YTHDC2: variants seen among roughly 807,000 people sequenced by gnomAD.
YTHDC2 encodes 3'-5' RNA helicase YTHDC2.
Under a neutral mutation model 174.9 loss-of-function variants are expected in YTHDC2, and 45 were observed. That is an observed-to-expected ratio of 0.26 (90% CI 0.20 to 0.33). The LOEUF is 0.33. YTHDC2 is among the 10% of genes least tolerant of loss of function. The pLI is 1.00. For missense variants in YTHDC2, 1,650 were observed against 1,723.7 expected, an observed-to-expected ratio of 0.96 and a Z score of 0.76; for synonymous variants, 657 against 574.5, an observed-to-expected ratio of 1.14 and a Z score of -2.05.
At position 113,535,694 on chromosome 5, in the gene YTHDC2, G is replaced by C. The variant is rs780270118; in HGVS notation, c.998G>C (p.Arg333Thr). The change falls in exon 7 of 30, where the codon AGA (arginine) becomes ACA (threonine). Residue 333 changes from arginine (R) to threonine (T), a missense_variant. By Grantham distance (71) the Arg-to-Thr change is moderately conservative (BLOSUM62 -1). Transcript: ENST00000161863. ...RFSDFLLTKLRDLLQKHPTLK... is the reference protein window; with the variant it reads ...RFSDFLLTKLTDLLQKHPTLK... Reference sequence around the variant, plus strand: ...AGTGATTTTTTACTTACAAAGTTAAGAGATTTGTTGCAAAAGCACCCAACT... The same window carrying C: ...AGTGATTTTTTACTTACAAAGTTAACAGATTTGTTGCAAAAGCACCCAACT... 1 of 1,613,778 alleles carries C rather than the reference G, an allele frequency of 6.2e-7. No individual in the cohort carries two copies. Among genetic ancestry groups the C allele is most frequent in the Non-Finnish European group, 8.5e-7 (1 of 1,179,872 alleles).
Position 113,526,773 on chromosome 5 carries a change from A to C in YTHDC2, c.663A>C (p.Gly221=). The C allele has an allele frequency of 6.8e-7, 1 of 1,471,812 alleles. No individual in the cohort carries two copies. The highest frequency in any genetic ancestry group is 1.5e-5 in the South Asian group (1 of 65,046). The allele number at this position is 1,471,812 out of a possible 1,614,324, so 91.2% of individuals were successfully genotyped here. ...TGATTGTAGGAGAAACTGGGTCTGG[A>C]AAGACCACACAGGTTTGTTTCTTTT... ...VVLIVGETGS[G]KTTQIPQFLL... is the part of the protein sequence containing the mutation. The change falls in exon 4 of 30, where the codon GGA becomes GGC. Residue 221 remains glycine (G), a synonymous_variant. Coordinates refer to ENST00000161863, the MANE Select transcript of YTHDC2 (RefSeq NM_022828.5).
rs188661638 is a variant in YTHDC2 at position 113,576,424 on chromosome 5, G to A, written c.3245-3162G>A. 3.1e-3 allele frequency among the ~76,000 whole-genome samples: 467 copies of A among 152,236 alleles called. 2 individuals are homozygous for A. Among genetic ancestry groups the A allele is most frequent in the Non-Finnish European group, 4.8e-3 (329 of 67,998 alleles). ...CATTGCTACATTGACATCTTCATCA[G>A]TGTGTCCTTTTGCTTTAATTCATTT... On this transcript the variant is annotated intron_variant, in intron 23 of 29. Transcript: ENST00000161863.
intron 17 of YTHDC2, among the ~76,000 whole-genome samples, chr5:113,557,233 G>A (rs1290904104): frequency 6.6e-6 from 1 of 151,984 alleles, no homozygotes; most frequent in Admixed American, 6.6e-5. Context: ...AAGTGTTTGG[G>A]TTACTTTTTA....
rs1436057159 is a variant in YTHDC2, at chr5:113,576,645, C to T, written c.3245-2941C>T. On this transcript the variant is annotated intron_variant, in intron 23 of 29. Transcript: ENST00000161863. Reference sequence around the variant, plus strand: ...ATTCCTTCATTTGCTCTTTTTATTTCTGTCAAAAAGAAATAACTCTCCATG... The same window carrying T: ...ATTCCTTCATTTGCTCTTTTTATTTTTGTCAAAAAGAAATAACTCTCCATG... 2.6e-5 allele frequency among the ~76,000 whole-genome samples: 4 copies of T among 151,996 alleles called. No homozygotes were observed. The South Asian group carries it at 6.2e-4, about 24-fold the overall frequency.
rs558778066 is a variant in YTHDC2, at chr5:113,556,121, C to G, written c.2203C>G (p.Gln735Glu). Residue 735 changes from glutamine (Q) to glutamate (E), a missense_variant, in exon 17 of 30, where the codon CAG becomes GAG. By Grantham distance (29) the Gln-to-Glu change is conservative. This residue lies in a region of YTHDC2 where 913 missense variants were observed against 940.4 expected (regional missense o/e 0.97). Coordinates refer to ENST00000161863, the MANE Select transcript of YTHDC2 (RefSeq NM_022828.5). ...ATGGATTTCCAAAGCTAGTGCCATACAGCGGAAAGGCAGGTAATGTATATT... is the reference window on the plus strand; with the variant it reads ...ATGGATTTCCAAAGCTAGTGCCATAGAGCGGAAAGGCAGGTAATGTATATT... ...MVWISKASAIQRKGRAGRCRP... is the reference protein window; with the variant it reads ...MVWISKASAIERKGRAGRCRP... The G allele has an allele frequency of 6.2e-7, 1 of 1,605,686 alleles. No individual in the cohort carries two copies. The highest frequency in any genetic ancestry group is 1.3e-5 in the African/African-American group (1 of 74,812).
At chr5:113,560,224 A>G (rs149676756) in intron 17 of YTHDC2, among the ~76,000 whole-genome samples, 63 of 152,164 alleles carry the variant, frequency 4.1e-4, no homozygotes, top group African/African-American at 1.4e-3. Flanking sequence ...AAGGACTCCC[A>G]TTTTTCTTAG....
At position 113,594,882 on chromosome 5, in the gene YTHDC2, A is replaced by G. The variant is rs1434935041; in HGVS notation, c.*1408A>G. On this transcript the variant is annotated 3_prime_UTR_variant, in exon 30 of 30. Coordinates refer to ENST00000161863, the MANE Select transcript of YTHDC2 (RefSeq NM_022828.5). ...TCTACTTTCTCTGGGAAAGCATTATATAGTGGTGCATTAGTTTAGAAAGTC... is the reference window on the plus strand; with the variant it reads ...TCTACTTTCTCTGGGAAAGCATTATGTAGTGGTGCATTAGTTTAGAAAGTC... 6.6e-6 allele frequency: 1 copy of G among 152,184 alleles called. No individual in the cohort carries two copies. Among genetic ancestry groups the G allele is most frequent in the Non-Finnish European group, 1.5e-5 (1 of 68,022 alleles). The allele number at this position is 152,184 out of a possible 1,614,324, so 9.4% of individuals were successfully genotyped here. A position where few individuals can be genotyped will look rare whatever the true frequency, so the allele number is the denominator to read the frequency against.
In YTHDC2 at chr5:113,579,671, GC is replaced by G; in HGVS notation, c.3331del (p.Leu1111SerfsTer28). 6.2e-7 allele frequency: 1 copy of G among 1,608,004 alleles called. No individual in the cohort carries two copies. Among genetic ancestry groups the G allele is most frequent in the Non-Finnish European group, 8.5e-7 (1 of 1,176,846 alleles). On this transcript the variant is annotated frameshift_variant, in exon 24 of 30. Coordinates refer to ENST00000161863, the MANE Select transcript of YTHDC2 (RefSeq NM_022828.5). LOFTEE classifies it high-confidence loss of function. ...TGGCAGCCTTGAAACTTGATGAGTG[GC>G]TCCATTTCACACTGGAGCCAGAGGT... ...NLAALKLDEW[L>X]HFTLEPEAAS... is the part of the protein sequence containing the mutation.
At chr5:113,529,645 A>G (rs1396356518) in intron 4 of YTHDC2, among the ~76,000 whole-genome samples, 2 of 152,124 alleles carry the variant, frequency 1.3e-5, no homozygotes, top group Admixed American at 6.5e-5. Context: ...TTTGCCTCTT[A>G]TCTGTTTATC....
intron 4 of YTHDC2, among the ~76,000 whole-genome samples, chr5:113,532,557 A>T (rs553720593): frequency 9.8e-5 from 15 of 152,296 alleles, no homozygotes; most frequent in African/African-American, 3.6e-4. Flanking sequence ...GATTATCCCC[A>T]TCCATGAATA....
At chr5:113,530,200 C>T (rs904202544) in intron 4 of YTHDC2, among the ~76,000 whole-genome samples, 1 of 151,894 alleles carries the variant, frequency 6.6e-6, no homozygotes, top group African/African-American at 2.4e-5. Context: ...TTTACTTTTT[C>T]TTCATGTTAT....
intron 17 of YTHDC2, among the ~76,000 whole-genome samples, chr5:113,557,447 A>T (rs1443507207): frequency 6.6e-6 from 1 of 152,166 alleles, no homozygotes; most frequent in Non-Finnish European, 1.5e-5. Flanking sequence ...TTTTCTTATG[A>T]CCAATAGTGG....
At chr5:113,575,977 G>T (rs548621153) in intron 23 of YTHDC2, among the ~76,000 whole-genome samples, 3 of 152,162 alleles carry the variant, frequency 2.0e-5, no homozygotes, top group African/African-American at 7.2e-5. Flanking sequence ...TCAATTCTCA[G>T]ATTTTGGTTA....
intron 26 of YTHDC2, among the ~76,000 whole-genome samples, chr5:113,587,568 G>T (rs1778762674): frequency 7.1e-6 from 1 of 140,242 alleles, no homozygotes; most frequent in Non-Finnish European, 1.5e-5. Context: ...ATAATATATA[G>T]TATATTTATA....
At chr5:113,532,001 T>G (rs1385252245) in intron 4 of YTHDC2, among the ~76,000 whole-genome samples, 1 of 152,216 alleles carries the variant, frequency 6.6e-6, no homozygotes, top group African/African-American at 2.4e-5. Context: ...TATATCTTTC[T>G]AAAACTCTGG....
chr5:113,537,798 A>G (rs942166034), intron 7 of YTHDC2, among the ~76,000 whole-genome samples: 1 of 152,072 alleles, frequency 6.6e-6, no homozygotes, highest in Non-Finnish European at 1.5e-5. Flanking sequence ...CTCTTTTGCA[A>G]AACCCTTTTC....
intron 15 of YTHDC2, 37 bp from the exon 16 acceptor site, chr5:113,553,905 G>A (rs1776434716): frequency 1.3e-6 from 2 of 1,582,296 alleles, no homozygotes; most frequent in South Asian, 2.4e-5. Flanking sequence ...TATTTTTTCT[G>A]TTTTTTTATT....
At chr5:113,544,708 G>T (rs750898255) in intron 10 of YTHDC2, among the ~76,000 whole-genome samples, 13 of 148,130 alleles carry the variant, frequency 8.8e-5, no homozygotes, top group Admixed American at 1.3e-4. Flanking sequence ...TTTTTTTTTG[G>T]GCTGACTGTA....
Position 113,567,181 on chromosome 5 carries a change from G to C in YTHDC2, c.2932G>C (p.Gly978Arg), listed in dbSNP as rs377507627. The C allele has an allele frequency of 1.9e-6, 3 of 1,613,862 alleles. No homozygotes were observed. The highest frequency in any genetic ancestry group is 2.5e-6 in the Non-Finnish European group (3 of 1,179,928). The change falls in exon 22 of 30, where the codon GGC becomes CGC. Residue 978 changes from glycine to arginine, a missense_variant. This residue lies in a region of YTHDC2 where 913 missense variants were observed against 940.4 expected (regional missense o/e 0.97). Coordinates refer to ENST00000161863, the MANE Select transcript of YTHDC2 (RefSeq NM_022828.5). ...WAVVKAALVAGMYPNLVHVDR... is the reference protein window; with the variant it reads ...WAVVKAALVARMYPNLVHVDR... ...TGTCGTTAAAGCTGCATTGGTGGCA[G>C]GCATGTATCCTAATTTAGTCCACGT...
Sources: gnomAD v4.1 joint callset for allele counts (sites outside exome capture counted in the v4.1 genomes callset) on GRCh38, gnomAD v4.1.1 for gene constraint, gnomAD v4.1.1 regional missense constraint, MANE v1.5 for transcripts, NCBI Gene and HGNC (gene_info 2026-07-23, HGNC 2026-07-21) for gene names.